The following PNLIPRP3 variants were observed in gnomAD, a reference collection of about 807,000 sequenced individuals.
PNLIPRP3 encodes the protein pancreatic lipase-related protein 3.
PNLIPRP3 carries 58 observed loss-of-function variants against 52.8 expected under a neutral mutation model. The observed-to-expected ratio is 1.10, with a 90% confidence interval of 0.89 to 1.37. The LOEUF (loss-of-function observed/expected upper bound fraction) is 1.37. PNLIPRP3 is among the 40% of genes most tolerant of loss of function. The pLI is 0.00. For synonymous variants in PNLIPRP3, 192 were observed against 185.0 expected (o/e 1.04, Z -0.31); for missense variants, 593 against 561.6 (o/e 1.06, Z -0.57).
At chr10:116,431,037 T>C (rs1845702915) in intron 1 of PNLIPRP3, among the ~76,000 whole-genome samples, 1 of 152,200 alleles carries the variant, frequency 6.6e-6, no homozygotes, top group Admixed American at 6.5e-5. Flanking sequence ...TTCCAGATGC[T>C]CTGGCCAAAA....
chr10:116,436,814 G>C lies in PNLIPRP3; in HGVS notation c.153G>C (p.Lys51Asn). 6.2e-7 allele frequency: 1 copy of C among 1,613,388 alleles called. No homozygotes were observed. Among genetic ancestry groups the C allele is most frequent in the Non-Finnish European group, 8.5e-7 (1 of 1,179,624 alleles). The change falls in exon 2 of 12, where the codon AAG becomes AAC. Residue 51 changes from lysine to asparagine, a missense_variant. Physicochemically the swap from Lys to Asn is moderately conservative, Grantham distance 94 (BLOSUM62 0). Transcript: ENST00000369230. ...ELVGLPWSPE[K>N]INTRFLLYTI... ...TAGGTTTACCCTGGTCTCCAGAGAA[G>C]ATAAACACTCGTTTCCTGCTCTACA...
intron 4 of PNLIPRP3, among the ~76,000 whole-genome samples, chr10:116,449,015 CAAAA>C (rs59582445): frequency 0.82 from 109,329 of 134,018 alleles, 45,688 homozygotes; most frequent in South Asian, 0.94. Context: ...GACTCCATCT[CAAAA>C]AAAAAAAAAA....
At chr10:116,476,051 A>T (rs1846459706) in intron 10 of PNLIPRP3, among the ~76,000 whole-genome samples, 1 of 152,136 alleles carries the variant, frequency 6.6e-6, no homozygotes, top group Admixed American at 6.5e-5. Context: ...TGGGGAAAAA[A>T]CAAGTCATTG....
In PNLIPRP3 at chr10:116,436,816, T is replaced by C. The variant is rs1298690100; in HGVS notation, c.155T>C (p.Ile52Thr). The C allele has an allele frequency of 6.2e-7, 1 of 1,613,556 alleles. No homozygotes were observed. Among genetic ancestry groups the C allele is most frequent in the Non-Finnish European group, 8.5e-7 (1 of 1,179,690 alleles). Residue 52 changes from isoleucine (I) to threonine (T), a missense_variant, in exon 2 of 12, where the codon ATA becomes ACA. By Grantham distance (89) the Ile-to-Thr change is moderately conservative. Coordinates refer to ENST00000369230, the MANE Select transcript of PNLIPRP3 (RefSeq NM_001011709.3). ...GGTTTACCCTGGTCTCCAGAGAAGA[T>C]AAACACTCGTTTCCTGCTCTACACT... is the stretch of plus-strand genomic sequence containing the variant. ...LVGLPWSPEK[I>T]NTRFLLYTIH...
chr10:116,442,989 AG>A, intron 2 of PNLIPRP3, 65 bp from the exon 3 acceptor site: 5 of 1,258,856 alleles, frequency 4.0e-6, no homozygotes, highest in Non-Finnish European at 5.3e-6. Context: ...GCTTTAGAAT[AG>A]GTCTACTAAC....
chr10:116,443,577 C>T (rs1302499474), intron 3 of PNLIPRP3, among the ~76,000 whole-genome samples: 2 of 146,738 alleles, frequency 1.4e-5, no homozygotes, highest in Non-Finnish European at 3.0e-5. Flanking sequence ...AACATTAGTA[C>T]CTATCTCACG....
intron 10 of PNLIPRP3, 47 bp downstream of exon 10, chr10:116,471,926 GTAACAC>G: frequency 8.5e-7 from 1 of 1,182,760 alleles, no homozygotes. Context: ...TGGGGGCTCA[GTAACAC>G]TAAGTGAGAC....
intron 3 of PNLIPRP3, 75 bp from the exon 4 acceptor site, chr10:116,444,307 T>C: frequency 7.8e-7 from 1 of 1,275,314 alleles, no homozygotes; most frequent in Non-Finnish European, 1.1e-6. Flanking sequence ...TTTCTTATTA[T>C]GGAATCAAGT....
At chr10:116,460,502 A>G (rs1007155657) in intron 5 of PNLIPRP3, among the ~76,000 whole-genome samples, 1 of 152,194 alleles carries the variant, frequency 6.6e-6, no homozygotes, top group African/African-American at 2.4e-5. Flanking sequence ...TTTCATTTGT[A>G]TTACTATTAA....
At chr10:116,455,862 T>C in intron 5 of PNLIPRP3, 32 bp downstream of exon 5, 1 of 1,510,088 alleles carries the variant, frequency 6.6e-7, no homozygotes, top group Non-Finnish European at 9.2e-7. Flanking sequence ...GCCTTGAGTG[T>C]GTTTAAATAT....
chr10:116,467,790 T>G (rs1190774566), intron 8 of PNLIPRP3, among the ~76,000 whole-genome samples: 1 of 152,174 alleles, frequency 6.6e-6, no homozygotes, highest in Non-Finnish European at 1.5e-5. Context: ...TGATTAGTTC[T>G]CCTACTAATG....
At chr10:116,464,916 G>A (rs1297646920) in intron 7 of PNLIPRP3, among the ~76,000 whole-genome samples, 1 of 152,254 alleles carries the variant, frequency 6.6e-6, no homozygotes, top group African/African-American at 2.4e-5. Context: ...GCTTCCTGAT[G>A]CGTGGGGTGG....
chr10:116,476,805 G>A lies in PNLIPRP3; in HGVS notation c.1326G>A (p.Gly442=). The change falls in exon 11 of 12, where the codon GGG becomes GGA. Residue 442 remains glycine, a synonymous_variant. Transcript: ENST00000369230. ...LGAEMVINTS[G]KYGYKSTFCS... ...CAGAAATGGTGATAAATACATCTGG[G>A]AAATATGGATATAAGTAAGTATTGC... 6.3e-7 allele frequency: 1 copy of A among 1,598,516 alleles called. No individual in the cohort carries two copies.
At chr10:116,466,360 CTATT>C (rs1381988520) in intron 8 of PNLIPRP3, among the ~76,000 whole-genome samples, 192 bp downstream of exon 8, 1 of 152,156 alleles carries the variant, frequency 6.6e-6, no homozygotes, top group Non-Finnish European at 1.5e-5. Flanking sequence ...ACTCAACCAA[CTATT>C]TGTATTCTGG....
At chr10:116,460,842 C>G (rs918411834) in intron 5 of PNLIPRP3, 124 bp from the exon 6 acceptor site, 68 of 1,306,886 alleles carry the variant, frequency 5.2e-5, no homozygotes, top group Non-Finnish European at 6.8e-5. Flanking sequence ...GGTTATGTAT[C>G]TGTACTTTTT....
chr10:116,443,751 GTGTGTGTGTGTGTA>G (rs1188905129), intron 3 of PNLIPRP3, among the ~76,000 whole-genome samples: 6 of 108,828 alleles, frequency 5.5e-5, no homozygotes, highest in African/African-American at 1.7e-4. Context: ...ACTAATGTGT[GTGTGTGTGTGTGTA>G]TGTGTGTGTG....
Position 116,455,716 on chromosome 10 carries a change from T to C in PNLIPRP3, c.457-6T>C, listed in dbSNP as rs1299628913. 6.2e-7 allele frequency: 1 copy of C among 1,606,294 alleles called. No homozygotes were observed. On this transcript the variant is annotated splice_region_variant and splice_polypyrimidine_tract_variant and intron_variant, in intron 4 of 11. Coordinates refer to ENST00000369230, the MANE Select transcript of PNLIPRP3 (RefSeq NM_001011709.3). ...AAATACTTATTCTGTTAAACAATTC[T>C]TTCAGAAAAAATTTGAATATTCCCC...
chr10:116,443,226 A>G lies in PNLIPRP3; in HGVS notation c.324+52A>G, dbSNP rs752865217. The G allele has an allele frequency of 3.9e-6, 6 of 1,541,538 alleles. No individual in the cohort carries two copies. The Admixed American group carries it at 1.1e-4, about 27-fold the overall frequency. On this transcript the variant is annotated intron_variant, in intron 3 of 11. Transcript: ENST00000369230. ...CACTAGCATGCGAGCTTTATGTTTA[A>G]CATGAATGTACTTTGCAAGGTATTG...
chr10:116,457,025 T>C (rs573778644), intron 5 of PNLIPRP3, among the ~76,000 whole-genome samples: 65 of 152,374 alleles, frequency 4.3e-4, no homozygotes, highest in Non-Finnish European at 7.5e-4. Flanking sequence ...GCTTGTCACG[T>C]AAACTTGTCA....
Sources: allele counts gnomAD v4.1 joint callset (sites outside exome capture counted in the v4.1 genomes callset), GRCh38; gene constraint gnomAD v4.1.1; transcripts MANE v1.5; gene names NCBI Gene and HGNC (gene_info 2026-07-23, HGNC 2026-07-21).